RAP1GAP2: variants seen among roughly 807,000 people sequenced by gnomAD.
The protein encoded by RAP1GAP2 is RAP1 GTPase activating protein 2.
Under a neutral mutation model 95.0 loss-of-function variants are expected in RAP1GAP2, and 27 were observed. The observed-to-expected ratio is 0.28, with a 90% CI of 0.21 to 0.39. The LOEUF (loss-of-function observed/expected upper bound fraction) is 0.39. Ranked by LOEUF, RAP1GAP2 falls within the 10% of genes least tolerant of loss-of-function variation. RAP1GAP2 has a pLI of 1.00. For synonymous variants in RAP1GAP2, 373 were observed against 380.9 expected (o/e 0.98, Z 0.24); for missense variants, 771 against 970.0 (o/e 0.79, Z 2.72).
chr17:2,901,926 G>A (rs1340544709), intron 2 of RAP1GAP2, among the ~76,000 whole-genome samples: 1 of 152,176 alleles, frequency 6.6e-6, no homozygotes, highest in Non-Finnish European at 1.5e-5. Flanking sequence ...CTAGAACCTG[G>A]GGCCTGGGCA....
chr17:2,778,087 G>A (rs960602702), intron 1 of RAP1GAP2, among the ~76,000 whole-genome samples: 4 of 149,176 alleles, frequency 2.7e-5, no homozygotes, highest in African/African-American at 2.5e-5. Context: ...TTTTTCAGGC[G>A]AAAGTCCCAG....
upstream of RAP1GAP2, among the ~76,000 whole-genome samples, chr17:2,775,433 G>T (rs2068478067): frequency 6.6e-6 from 1 of 151,758 alleles, no homozygotes; most frequent in South Asian, 2.1e-4. Context: ...GTCCTGAAGG[G>T]CACAGGGGCG....
In RAP1GAP2 at chr17:2,818,293, CTTTATTTATTTA is replaced by C. The variant is rs149867844; in HGVS notation, c.80+17783_80+17794del. 9.7e-3 allele frequency among the ~76,000 whole-genome samples: 1,324 copies of C among 136,318 alleles called. 10 individuals are homozygous for C. Among genetic ancestry groups the C allele is most frequent in the African/African-American group, 0.022 (765 of 35,136 alleles). 89.4% of individuals were successfully genotyped at this position (136,318 alleles called of 152,430 possible). ...GAATTTTGTGTTTTCTCTCAGCCCA[CTTTATTTATTTA>C]TTTATTTATTTATTTATTTATTTAT... On this transcript the variant is annotated intron_variant, in intron 2 of 24. Transcript: ENST00000254695.
intron 2 of RAP1GAP2, chr17:2,854,121 G>A: frequency 1.0e-6 from 1 of 985,452 alleles, no homozygotes; most frequent in Non-Finnish European, 1.2e-6. Flanking sequence ...CTGCAGCGCC[G>A]GCCGCTTCCC....
At chr17:2,810,962 T>C (rs1427596209) in intron 2 of RAP1GAP2, among the ~76,000 whole-genome samples, 1 of 152,138 alleles carries the variant, frequency 6.6e-6, no homozygotes, top group African/African-American at 2.4e-5. Context: ...AGTACAACTT[T>C]GCTCGAAGCT....
At chr17:2,883,865 C>T (rs548692818) in intron 2 of RAP1GAP2, among the ~76,000 whole-genome samples, 2 of 152,374 alleles carry the variant, frequency 1.3e-5, no homozygotes, top group African/African-American at 4.8e-5. Context: ...CTATTCCCTG[C>T]TCACCTTCTG....
intron 2 of RAP1GAP2, among the ~76,000 whole-genome samples, chr17:2,845,634 G>A (rs1450207256): frequency 6.6e-6 from 1 of 151,668 alleles, no homozygotes; most frequent in African/African-American, 2.4e-5. Flanking sequence ...AGGCTGAGGC[G>A]GGCGGATCAT....
chr17:3,018,406 C>T (rs76036545), intron 18 of RAP1GAP2, among the ~76,000 whole-genome samples: 2,159 of 152,202 alleles, frequency 0.014, 64 homozygotes, highest in African/African-American at 0.049. Context: ...AGACAGCACC[C>T]GGGGTTGACC....
chr17:2,829,844 A>G (rs1225505290), intron 2 of RAP1GAP2, among the ~76,000 whole-genome samples: 2 of 128,884 alleles, frequency 1.6e-5, no homozygotes, highest in Non-Finnish European at 3.2e-5. Context: ...TTGAGATGAG[A>G]TTTTGCTATG....
At chr17:2,846,044 G>A (rs183936791) in intron 2 of RAP1GAP2, among the ~76,000 whole-genome samples, 1 of 151,962 alleles carries the variant, frequency 6.6e-6, no homozygotes, top group African/African-American at 2.4e-5. Flanking sequence ...TTAGTCGAGC[G>A]TGGTATTGGG....
At chr17:2,783,943 G>A (rs532543602) in intron 1 of RAP1GAP2, among the ~76,000 whole-genome samples, 8 of 152,182 alleles carry the variant, frequency 5.3e-5, no homozygotes, top group Non-Finnish European at 1.2e-4. Flanking sequence ...CCCAGAAAGA[G>A]AGCCAGGTGG....
intron 2 of RAP1GAP2, among the ~76,000 whole-genome samples, chr17:2,818,457 G>A (rs2070136944): frequency 1.3e-5 from 2 of 151,956 alleles, no homozygotes; most frequent in Admixed American, 1.3e-4. Flanking sequence ...CCAAGTAGCT[G>A]GGATTACAAG....
chr17:2,874,290 A>G (rs1214428961), intron 2 of RAP1GAP2, among the ~76,000 whole-genome samples: 1 of 151,866 alleles, frequency 6.6e-6, no homozygotes, highest in Non-Finnish European at 1.5e-5. Context: ...TTAAATGGGG[A>G]CTCTTGAAGA....
chr17:2,816,162 G>A (rs1325453626), intron 2 of RAP1GAP2, among the ~76,000 whole-genome samples: 3 of 152,044 alleles, frequency 2.0e-5, no homozygotes, highest in Non-Finnish European at 4.4e-5. Context: ...GGCCCGAGCC[G>A]GCTCCGGGGG....
At chr17:2,793,401 G>C (rs1431884802), upstream of RAP1GAP2, among the ~76,000 whole-genome samples, 3 of 152,184 alleles carry the variant, frequency 2.0e-5, no homozygotes, top group African/African-American at 7.2e-5. Flanking sequence ...TGATCTCCCT[G>C]CCTCGGTCTC....
At chr17:3,031,988 T>C (rs372733316) in intron 23 of RAP1GAP2, among the ~76,000 whole-genome samples, 1 of 112,846 alleles carries the variant, frequency 8.9e-6, no homozygotes, top group Non-Finnish European at 2.0e-5. Context: ...CCCAGTCCCT[T>C]CCTGAGCTCT....
intron 3 of RAP1GAP2, among the ~76,000 whole-genome samples, chr17:2,908,641 T>A (rs2042276790): frequency 6.6e-6 from 1 of 151,940 alleles, no homozygotes; most frequent in Non-Finnish European, 1.5e-5. Context: ...AGCCAGTAGA[T>A]ACATGGGACA....
chr17:3,025,881 T>C, intron 19 of RAP1GAP2, 127 bp from the exon 20 acceptor site: 1 of 673,170 alleles, frequency 1.5e-6, no homozygotes, highest in Middle Eastern at 3.2e-4. Flanking sequence ...CAGGCAGTGA[T>C]GCCAGGCGGG....
intron 8 of RAP1GAP2, among the ~76,000 whole-genome samples, chr17:2,970,803 G>C (rs186357739): frequency 1.7e-3 from 261 of 152,238 alleles, no homozygotes; most frequent in Middle Eastern, 6.8e-3. Flanking sequence ...ACTTTGGGAG[G>C]CTGAGGCGGG....
Sources: gnomAD v4.1 joint callset for allele counts (sites outside exome capture counted in the v4.1 genomes callset) on GRCh38, gnomAD v4.1.1 for gene constraint, MANE v1.5 for transcripts, NCBI Gene and HGNC (gene_info 2026-07-23, HGNC 2026-07-21) for gene names.